Variants in LRRTM4 observed in about 807,000 individuals in gnomAD.
LRRTM4 encodes leucine rich repeat transmembrane neuronal 4, also known as leucine-rich repeat transmembrane neuronal protein 4.
A neutral mutation model predicts 47.6 loss-of-function variants in LRRTM4; 25 were observed. The observed-to-expected ratio is 0.53, with a 90% CI of 0.38 to 0.73. LRRTM4 has a LOEUF of 0.73. LRRTM4 is among the 30% of genes least tolerant of loss of function. The pLI is 0.00. For missense variants in LRRTM4, 638 were observed against 713.4 expected (o/e 0.89, Z 1.20); for synonymous variants, 311 against 269.5 (o/e 1.15, Z -1.51).
chr2:77,041,409 T>C (rs946306714), intron 3 of LRRTM4, among the ~76,000 whole-genome samples: 3 of 151,508 alleles, frequency 2.0e-5, no homozygotes, highest in Non-Finnish European at 4.4e-5. Context: ...AACATCTTGA[T>C]TTCCTTTCCT....
chr2:77,186,692 C>A (rs1573052707), intron 3 of LRRTM4, among the ~76,000 whole-genome samples: 2 of 152,220 alleles, frequency 1.3e-5, no homozygotes, highest in Middle Eastern at 3.4e-3. Flanking sequence ...GCAACTTCTT[C>A]CCTGTGTGAT....
At chr2:77,052,212 G>A (rs1274642863) in intron 3 of LRRTM4, among the ~76,000 whole-genome samples, 3 of 138,310 alleles carry the variant, frequency 2.2e-5, no homozygotes, top group African/African-American at 8.6e-5. Flanking sequence ...TGCCCAGGCT[G>A]GAGTACAGTG....
At chr2:76,958,838 T>C (rs1248596439) in intron 3 of LRRTM4, among the ~76,000 whole-genome samples, 1 of 151,692 alleles carries the variant, frequency 6.6e-6, no homozygotes, top group Non-Finnish European at 1.5e-5. Flanking sequence ...AATTTTGAAA[T>C]ATGCCCCCTT....
At chr2:76,871,147 A>G (rs1672611864) in intron 3 of LRRTM4, among the ~76,000 whole-genome samples, 1 of 152,178 alleles carries the variant, frequency 6.6e-6, no homozygotes, top group Non-Finnish European at 1.5e-5. Flanking sequence ...GTAGAGAACA[A>G]ACATTGTCCA....
intron 3 of LRRTM4, among the ~76,000 whole-genome samples, chr2:76,923,979 T>A (rs1674511711): frequency 6.6e-6 from 1 of 152,076 alleles, no homozygotes; most frequent in Non-Finnish European, 1.5e-5. Context: ...GGAGTGTTTT[T>A]TACAGGGCTT....
At chr2:77,042,698 T>C (rs2104181637) in intron 3 of LRRTM4, among the ~76,000 whole-genome samples, 1 of 151,904 alleles carries the variant, frequency 6.6e-6, no homozygotes, top group East Asian at 1.9e-4. Flanking sequence ...GAATATTGTA[T>C]AATTTAACAT....
intron 3 of LRRTM4, among the ~76,000 whole-genome samples, chr2:77,432,746 T>A (rs1049676578): frequency 4.6e-5 from 7 of 152,208 alleles, no homozygotes; most frequent in Non-Finnish European, 8.8e-5. Flanking sequence ...GATATAGGCA[T>A]ACACAAACAC....
At chr2:76,993,849 C>A (rs1026749971) in intron 3 of LRRTM4, among the ~76,000 whole-genome samples, 1 of 151,982 alleles carries the variant, frequency 6.6e-6, no homozygotes, top group African/African-American at 2.4e-5. Flanking sequence ...GATATGAAAT[C>A]AACCTAGGTG....
At chr2:77,143,197 A>G (rs1384881097) in intron 3 of LRRTM4, among the ~76,000 whole-genome samples, 2 of 152,224 alleles carry the variant, frequency 1.3e-5, no homozygotes, top group East Asian at 1.9e-4. Context: ...TGAAGTTAGT[A>G]TGCAAAAGAT....
At chr2:77,330,191 G>A (rs956001566) in intron 3 of LRRTM4, among the ~76,000 whole-genome samples, 4 of 152,132 alleles carry the variant, frequency 2.6e-5, no homozygotes, top group Non-Finnish European at 4.4e-5. Flanking sequence ...ATCTGGGGGG[G>A]CAGGACTGTA....
chr2:77,404,377 G>A (rs1454275375), intron 3 of LRRTM4, among the ~76,000 whole-genome samples: 1 of 152,014 alleles, frequency 6.6e-6, no homozygotes, highest in Admixed American at 6.6e-5. Context: ...TACAGACAGA[G>A]TTTCATTCAA....
chr2:77,209,505 G>C (rs893807969), intron 3 of LRRTM4, among the ~76,000 whole-genome samples: 1 of 151,878 alleles, frequency 6.6e-6, no homozygotes, highest in Non-Finnish European at 1.5e-5. Flanking sequence ...CTTGGTTGCA[G>C]TAGTGGGGTC....
chr2:77,102,608 A>C (rs1670986704), intron 3 of LRRTM4, among the ~76,000 whole-genome samples: 1 of 152,214 alleles, frequency 6.6e-6, no homozygotes, highest in South Asian at 2.1e-4. Context: ...ATCATAGGGC[A>C]GGTGACAATT....
intron 3 of LRRTM4, among the ~76,000 whole-genome samples, chr2:76,766,529 C>A (rs1673462963): frequency 6.6e-6 from 1 of 152,166 alleles, no homozygotes; most frequent in Non-Finnish European, 1.5e-5. Context: ...CCTTCTCTGC[C>A]CTGCATTGTG....
intron 3 of LRRTM4, among the ~76,000 whole-genome samples, chr2:77,341,227 T>C (rs934106982): frequency 1.3e-5 from 2 of 151,996 alleles, no homozygotes; most frequent in African/African-American, 4.8e-5. Context: ...CTCATTCTTA[T>C]TAGATTTCTC....
At chr2:76,859,048 A>T (rs914859628) in intron 3 of LRRTM4, among the ~76,000 whole-genome samples, 1 of 152,210 alleles carries the variant, frequency 6.6e-6, no homozygotes, top group Non-Finnish European at 1.5e-5. Flanking sequence ...CAGAAGAGTA[A>T]CTGCTATTGA....
At chr2:76,986,692 G>A (rs1441824424) in intron 3 of LRRTM4, among the ~76,000 whole-genome samples, 1 of 151,852 alleles carries the variant, frequency 6.6e-6, no homozygotes, top group Non-Finnish European at 1.5e-5. Flanking sequence ...AATCAACAGG[G>A]AGAAAACCTG....
chr2:77,224,892 C>T (rs1027252177), intron 3 of LRRTM4, among the ~76,000 whole-genome samples: 1 of 152,146 alleles, frequency 6.6e-6, no homozygotes, highest in African/African-American at 2.4e-5. Context: ...GTAAATCATG[C>T]TGCTATAAAG....
chr2:77,521,749 C>T lies in LRRTM4; in HGVS notation c.-78G>A, dbSNP rs866712039. ...TCTCTTGTGCGGAAACCACCACCAC[C>T]TTCATGACACAGTGCGGCTGTCATT... On this transcript the variant is annotated 5_prime_UTR_variant, in exon 2 of 4. Transcript: ENST00000409884. The T allele has an allele frequency of 1.6e-5, 24 of 1,522,714 alleles. No homozygotes were observed. In the African/African-American group the frequency reaches 2.5e-4, roughly 16 times the overall value. 94.3% of individuals were successfully genotyped at this position (1,522,714 alleles called of 1,614,324 possible). A position where few individuals can be genotyped will look rare whatever the true frequency, so the allele number is the denominator to read the frequency against.
Sources: gnomAD v4.1 joint callset for allele counts (sites outside exome capture counted in the v4.1 genomes callset) on GRCh38, gnomAD v4.1.1 for gene constraint, MANE v1.5 for transcripts, NCBI Gene and HGNC (gene_info 2026-07-23, HGNC 2026-07-21) for gene names.